Variants in ATP8B4 observed in about 807,000 individuals in gnomAD.
ATP8B4 encodes probable phospholipid-transporting ATPase IM.
In ATP8B4, 133 loss-of-function variants were observed where a neutral mutation model predicts 145.6. The ratio of observed to expected loss-of-function variants is 0.91; its 90% CI spans 0.79 to 1.05. The LOEUF (loss-of-function observed/expected upper bound fraction) is 1.05, where lower values mean the gene tolerates loss of function less well. Ranked by LOEUF, ATP8B4 falls within the 50% of genes least tolerant of loss-of-function variation. The probability of loss-of-function intolerance (pLI) is 0.00; values close to 1 mark genes in which losing one functional copy is unlikely to be tolerated. For missense variants in ATP8B4, 1,458 were observed against 1,425.2 expected (o/e 1.02, Z -0.37); for synonymous variants, 507 against 492.9 (o/e 1.03, Z -0.38).
intron 20 of ATP8B4, among the ~76,000 whole-genome samples, chr15:49,911,656 T>G (rs2039241364): frequency 1.3e-5 from 2 of 152,098 alleles, no homozygotes; most frequent in Non-Finnish European, 2.9e-5. Flanking sequence ...TGAAGAACAT[T>G]AGATTTAAAC....
At chr15:49,987,044 C>T (rs898362717) in intron 10 of ATP8B4, among the ~76,000 whole-genome samples, 3 of 152,182 alleles carry the variant, frequency 2.0e-5, no homozygotes, top group Non-Finnish European at 2.9e-5. Flanking sequence ...CTTTCATACT[C>T]TTACCCACTT....
chr15:49,925,449 A>C (rs370644431), intron 16 of ATP8B4, among the ~76,000 whole-genome samples: 3 of 152,190 alleles, frequency 2.0e-5, no homozygotes, highest in Non-Finnish European at 2.9e-5. Flanking sequence ...AATAATAGTG[A>C]TATTATAATG....
At chr15:50,054,000 T>C (rs1039353336) in intron 3 of ATP8B4, among the ~76,000 whole-genome samples, 1 of 152,232 alleles carries the variant, frequency 6.6e-6, no homozygotes, top group Non-Finnish European at 1.5e-5. Flanking sequence ...TTTATAGGAC[T>C]ATCATGGAAA....
chr15:49,861,497 C>T (rs1456713113), intron 27 of ATP8B4, among the ~76,000 whole-genome samples: 1 of 151,588 alleles, frequency 6.6e-6, no homozygotes, highest in African/African-American at 2.4e-5. Context: ...TACCTACCTA[C>T]CTACCTCAGT....
chr15:49,914,452 C>A (rs1212277501), intron 20 of ATP8B4, among the ~76,000 whole-genome samples: 1 of 152,036 alleles, frequency 6.6e-6, no homozygotes, highest in African/African-American at 2.4e-5. Flanking sequence ...CTCAAAAGCA[C>A]AGGCAACAAA....
intron 2 of ATP8B4, among the ~76,000 whole-genome samples, chr15:50,088,796 A>G (rs1253343774): frequency 1.3e-5 from 2 of 152,188 alleles, no homozygotes; most frequent in African/African-American, 2.4e-5. Context: ...CACATAATCA[A>G]CGTTCAGTAT....
intron 23 of ATP8B4, among the ~76,000 whole-genome samples, chr15:49,894,708 A>T (rs1330214827): frequency 6.6e-6 from 1 of 152,196 alleles, no homozygotes; most frequent in Non-Finnish European, 1.5e-5. Context: ...ATCAGGCTGC[A>T]CACGTTTAAA....
At chr15:50,069,630 TTA>T (rs1483843505) in intron 3 of ATP8B4, among the ~76,000 whole-genome samples, 1 of 152,204 alleles carries the variant, frequency 6.6e-6, no homozygotes, top group Admixed American at 6.5e-5. Flanking sequence ...TTACCAGTGG[TTA>T]TATGAGGAAA....
chr15:50,129,806 A>G (rs7177714), intron 1 of ATP8B4, among the ~76,000 whole-genome samples: 150,338 of 152,168 alleles, frequency 0.99, 74,287 homozygotes, highest in East Asian at 1. Flanking sequence ...AAATTAGTTG[A>G]GCATGGTGGC....
chr15:50,105,925 T>C (rs545006978), intron 2 of ATP8B4, among the ~76,000 whole-genome samples: 2 of 3,922 alleles, frequency 5.1e-4, no homozygotes, highest in East Asian at 0.011. Context: ...TAAATCATTT[T>C]ACAGGAAAAA....
In ATP8B4 at chr15:49,985,385, C is replaced by T. The variant is rs117336217; in HGVS notation, c.748+2006G>A. ...TGCTGGGATTACAGGCGTGAGCCAC[C>T]GCGCCCAGCAGATATTTTTCATTAG... On this transcript the variant is annotated intron_variant, in intron 10 of 27. Coordinates refer to ENST00000284509, the MANE Select transcript of ATP8B4 (RefSeq NM_024837.4). 5.4e-3 allele frequency among the ~76,000 whole-genome samples: 829 copies of T among 152,250 alleles called. 8 individuals are homozygous for T. The highest frequency in any genetic ancestry group is 0.035 in the South Asian group (171 of 4,822).
At chr15:50,055,249 A>G (rs1402947412) in intron 3 of ATP8B4, among the ~76,000 whole-genome samples, 1 of 152,192 alleles carries the variant, frequency 6.6e-6, no homozygotes, top group African/African-American at 2.4e-5. Context: ...GACTAGCCCT[A>G]TCTCTGGACT....
intron 3 of ATP8B4, among the ~76,000 whole-genome samples, chr15:50,055,015 A>T (rs1317298808): frequency 6.6e-6 from 1 of 152,118 alleles, no homozygotes; most frequent in Non-Finnish European, 1.5e-5. Flanking sequence ...TCCTAATTAC[A>T]ATTTTGAATT....
At chr15:50,154,261 C>T (rs2044385104) in intron 1 of ATP8B4, among the ~76,000 whole-genome samples, 1 of 152,080 alleles carries the variant, frequency 6.6e-6, no homozygotes, top group South Asian at 2.1e-4. Flanking sequence ...TTCTTTTTAA[C>T]ATATCTAACC....
At chr15:50,012,372 CT>C (rs1256594316) in intron 6 of ATP8B4, among the ~76,000 whole-genome samples, 1 of 152,114 alleles carries the variant, frequency 6.6e-6, no homozygotes, top group Non-Finnish European at 1.5e-5. Context: ...GAAAGTGCAC[CT>C]GTCTCAGGAA....
At chr15:50,169,194 A>G (rs1197559193) in intron 1 of ATP8B4, among the ~76,000 whole-genome samples, 1 of 152,254 alleles carries the variant, frequency 6.6e-6, no homozygotes, top group Non-Finnish European at 1.5e-5. Flanking sequence ...TGCTTCCTGG[A>G]AAGTGCCACC....
chr15:50,137,174 T>G (rs2044134181), intron 1 of ATP8B4, among the ~76,000 whole-genome samples: 1 of 152,200 alleles, frequency 6.6e-6, no homozygotes, highest in Non-Finnish European at 1.5e-5. Context: ...CCAAAAATAC[T>G]ATCTCATTCA....
chr15:50,059,240 G>A (rs1475509744), intron 3 of ATP8B4, among the ~76,000 whole-genome samples: 3 of 152,116 alleles, frequency 2.0e-5, no homozygotes, highest in African/African-American at 7.2e-5. Flanking sequence ...AAGCCCATGT[G>A]GATGCTGAGC....
intron 1 of ATP8B4, among the ~76,000 whole-genome samples, chr15:50,142,903 TCTA>T (rs1416566922): frequency 6.6e-6 from 1 of 152,220 alleles, no homozygotes; most frequent in Non-Finnish European, 1.5e-5. Context: ...TGCCTCTGTT[TCTA>T]CTATCCTCCC....
Sources: allele counts gnomAD v4.1 joint callset (sites outside exome capture counted in the v4.1 genomes callset), GRCh38; gene constraint gnomAD v4.1.1; transcripts MANE v1.5; gene names NCBI Gene and HGNC (gene_info 2026-07-23, HGNC 2026-07-21).